Variants in LARGE1 observed in about 807,000 individuals in gnomAD.
LARGE1 encodes the protein xylosyl- and glucuronyltransferase LARGE1.
In LARGE1, 43 loss-of-function variants were observed where a neutral mutation model predicts 87.6. That is an observed-to-expected ratio of 0.49 (90% CI 0.38 to 0.63). The LOEUF (loss-of-function observed/expected upper bound fraction) is 0.63. Ranked by LOEUF, LARGE1 falls within the 30% of genes least tolerant of loss-of-function variation. LARGE1 has a pLI of 0.00. For missense variants in LARGE1, 802 were observed against 1,000.2 expected (o/e 0.80, Z 2.67); for synonymous variants, 434 against 394.6 (o/e 1.10, Z -1.18).
At chr22:33,912,772 CA>C (rs1555892222) in intron 1 of LARGE1, among the ~76,000 whole-genome samples, 1 of 92,108 alleles carries the variant, frequency 1.1e-5, no homozygotes, top group Non-Finnish European at 2.3e-5. Flanking sequence ...GGAAGAACAA[CA>C]ATGAAAAAAA....
chr22:33,887,535 G>C (rs1038620673), intron 1 of LARGE1, among the ~76,000 whole-genome samples: 5 of 152,076 alleles, frequency 3.3e-5, no homozygotes, highest in African/African-American at 7.2e-5. Flanking sequence ...TCAGGAGTTC[G>C]AGATCAGTCT....
At chr22:33,263,030 T>C (rs1402010376) in intron 11 of LARGE1, among the ~76,000 whole-genome samples, 2 of 152,082 alleles carry the variant, frequency 1.3e-5, no homozygotes, top group East Asian at 3.9e-4. Flanking sequence ...GCAGCTGCGA[T>C]TACAGGCACG....
At chr22:33,105,497 C>A in the LARGE1 span, 3 of 152,206 alleles carry the variant, frequency 2.0e-5, no homozygotes, top group East Asian at 5.8e-4. Flanking sequence ...CTGTGAATTT[C>A]TACAGTAGCT....
At chr22:33,822,012 G>A (rs1388164171) in intron 1 of LARGE1, among the ~76,000 whole-genome samples, 1 of 145,736 alleles carries the variant, frequency 6.9e-6, no homozygotes, top group Non-Finnish European at 1.5e-5. Flanking sequence ...TTTTAACTAA[G>A]TGAAAAGATA....
At chr22:33,230,074 C>T (rs970776858) in intron 11 of LARGE1, among the ~76,000 whole-genome samples, 1 of 129,060 alleles carries the variant, frequency 7.7e-6, no homozygotes, top group Non-Finnish European at 1.5e-5. Context: ...TACAGTGGTG[C>T]GATCTTTGCT....
Position 33,528,826 on chromosome 22 carries a change from G to C in LARGE1, c.787+36022C>G, listed in dbSNP as rs542062603. 2.6e-5 allele frequency among the ~76,000 whole-genome samples: 4 copies of C among 152,306 alleles called. 1 individual carries two copies. Among genetic ancestry groups the C allele is most frequent in the African/African-American group, 9.6e-5 (4 of 41,556 alleles). ...GTTACTCTGGGGTCTCCTTGACCAA[G>C]AGATGGTCTGATTTGTTAGGGAGCT... is the stretch of plus-strand genomic sequence containing the variant. On this transcript the variant is annotated intron_variant, in intron 6 of 14. Coordinates refer to ENST00000397394, the MANE Select transcript of LARGE1 (RefSeq NM_133642.5).
chr22:33,866,685 C>G (rs1399407103), intron 1 of LARGE1, among the ~76,000 whole-genome samples: 2 of 152,186 alleles, frequency 1.3e-5, no homozygotes, highest in African/African-American at 2.4e-5. Context: ...TAAACACACA[C>G]CAGATGGAGC....
intron 10 of LARGE1, among the ~76,000 whole-genome samples, chr22:33,325,777 G>A (rs949376838): frequency 3.3e-5 from 5 of 152,224 alleles, no homozygotes; most frequent in African/African-American, 4.8e-5. Context: ...TACCACTCAA[G>A]CATGTTGCTT....
chr22:33,564,722 C>A, intron 6 of LARGE1, 126 bp downstream of exon 6: 2 of 896,618 alleles, frequency 2.2e-6, no homozygotes, highest in Non-Finnish European at 3.7e-6. Context: ...ATTTGTAATT[C>A]CTCACCCACT....
rs965624913 is a variant in LARGE1 at position 33,460,149 on chromosome 22, C to T, written c.788-27884G>A. On this transcript the variant is annotated intron_variant, in intron 6 of 14. Transcript: ENST00000397394. Reference sequence around the variant, plus strand: ...GATGAGAGGAAATGTTTTAAAAAGGCGAAATGCAATTTCCTCCTCTATAAA... The same window carrying T: ...GATGAGAGGAAATGTTTTAAAAAGGTGAAATGCAATTTCCTCCTCTATAAA... 2.0e-5 allele frequency among the ~76,000 whole-genome samples: 3 copies of T among 152,316 alleles called. No individual in the cohort carries two copies. The East Asian group carries it at 5.8e-4, about 29-fold the overall frequency.
chr22:33,540,240 G>A (rs1174760412), intron 6 of LARGE1, among the ~76,000 whole-genome samples: 2 of 152,200 alleles, frequency 1.3e-5, no homozygotes, highest in Non-Finnish European at 2.9e-5. Context: ...AAAAACAACA[G>A]AGCCATGTGA....
intron 12 of LARGE1, among the ~76,000 whole-genome samples, chr22:33,286,903 C>A (rs1215700702): frequency 2.6e-5 from 4 of 152,192 alleles, no homozygotes; most frequent in African/African-American, 9.7e-5. Flanking sequence ...TACATAGAAG[C>A]AAGCTCTCAG....
At chr22:33,151,792 G>T in the LARGE1 span, among the ~76,000 whole-genome samples, 1 of 152,004 alleles carries the variant, frequency 6.6e-6, no homozygotes, top group South Asian at 2.1e-4. Flanking sequence ...CTTGGTTGTG[G>T]TATATTATTC....
intron 6 of LARGE1, among the ~76,000 whole-genome samples, chr22:33,518,889 T>TATCCAGGGACCCGCAC (rs752369314): frequency 6.6e-6 from 1 of 152,096 alleles, no homozygotes; most frequent in African/African-American, 2.4e-5. Context: ...TGTGTACATA[T>TATCCAGGGACCCGCAC]ATCCAGGGAC....
chr22:33,334,174 A>C (rs1445944890), intron 10 of LARGE1, among the ~76,000 whole-genome samples: 5 of 151,916 alleles, frequency 3.3e-5, no homozygotes, highest in African/African-American at 1.2e-4. Context: ...GCACTTTGGG[A>C]GGCCGAGGCA....
At chr22:33,851,531 C>G (rs2063582563) in intron 1 of LARGE1, among the ~76,000 whole-genome samples, 1 of 152,204 alleles carries the variant, frequency 6.6e-6, no homozygotes, top group South Asian at 2.1e-4. Context: ...ACAGTGATGC[C>G]TAGGACAAAG....
chr22:33,569,670 C>T (rs1397379514), intron 5 of LARGE1, among the ~76,000 whole-genome samples: 1 of 152,178 alleles, frequency 6.6e-6, no homozygotes, highest in Non-Finnish European at 1.5e-5. Flanking sequence ...TTCTCCCCCT[C>T]TTTCAAGTCT....
At chr22:33,696,716 A>G (rs1569380768) in intron 2 of LARGE1, among the ~76,000 whole-genome samples, 1 of 151,748 alleles carries the variant, frequency 6.6e-6, no homozygotes, top group Non-Finnish European at 1.5e-5. Context: ...TTGAAATGGC[A>G]TCTCATTGTG....
intron 1 of LARGE1, among the ~76,000 whole-genome samples, chr22:33,884,319 G>A (rs1454022032): frequency 6.6e-6 from 1 of 152,218 alleles, no homozygotes. Flanking sequence ...ATTATCCTGG[G>A]TCACTGTACG....
Sources: gnomAD v4.1 joint callset for allele counts (sites outside exome capture counted in the v4.1 genomes callset) on GRCh38, gnomAD v4.1.1 for gene constraint, MANE v1.5 for transcripts, NCBI Gene and HGNC (gene_info 2026-07-23, HGNC 2026-07-21) for gene names.